Variants in VWA8 observed in about 807,000 individuals in gnomAD.
VWA8 encodes the protein von Willebrand factor A domain-containing protein 8.
A neutral mutation model predicts 241.5 loss-of-function variants in VWA8; 221 were observed. The observed-to-expected ratio is 0.91, with a 90% CI of 0.82 to 1.02. The LOEUF is 1.02. VWA8 is among the 50% of genes least tolerant of loss of function. The pLI is 0.00. For synonymous variants in VWA8, 852 were observed against 827.1 expected (o/e 1.03, Z -0.52); for missense variants, 2,322 against 2,328.7 (o/e 1.00, Z 0.06).
At chr13:41,864,591 TTA>T (rs1182759477) in intron 12 of VWA8, 1 of 442,216 alleles carries the variant, frequency 2.3e-6, no homozygotes, top group East Asian at 7.2e-5. Flanking sequence ...AGGACAAAAA[TTA>T]TATGATTCCA....
chr13:41,719,517 A>G (rs1029315101), intron 26 of VWA8, 74 bp downstream of exon 26: 29 of 1,599,320 alleles, frequency 1.8e-5, no homozygotes, highest in Non-Finnish European at 2.4e-5. Context: ...ATAGCAACTC[A>G]GTTTTGTAGA....
At chr13:41,692,179 A>C (rs1228475397) in intron 30 of VWA8, among the ~76,000 whole-genome samples, 1 of 152,086 alleles carries the variant, frequency 6.6e-6, no homozygotes, top group Non-Finnish European at 1.5e-5. Context: ...AAACAACACC[A>C]AACATTGTTA....
intron 37 of VWA8, among the ~76,000 whole-genome samples, chr13:41,662,339 C>T (rs566691611): frequency 2.0e-5 from 3 of 152,234 alleles, no homozygotes; most frequent in African/African-American, 7.2e-5. Flanking sequence ...ATTCAGCATA[C>T]ACATCCTGCA....
chr13:41,729,674 TAA>T lies in VWA8; in HGVS notation c.2504_2505del (p.Val835GlufsTer13). On this transcript the variant is annotated frameshift_variant and splice_region_variant, in exon 23 of 45. Coordinates refer to ENST00000379310, the MANE Select transcript of VWA8 (RefSeq NM_015058.2). LOFTEE classifies it high-confidence loss of function. ...GLIVYEDSPL[V>X]KAVKLGHILV... ...AGAATATGACCCAACTTTACTGCTT[TAA>T]CCTTTGACGACAGAAAATTTATCAT... is the stretch of plus-strand genomic sequence containing the variant. 2 of 1,605,716 alleles carry T rather than the reference TAA, an allele frequency of 1.2e-6. No homozygotes were observed. Among genetic ancestry groups the T allele is most frequent in the Non-Finnish European group, 1.7e-6 (2 of 1,177,608 alleles).
chr13:41,586,832 T>A (rs779572563), intron 42 of VWA8, among the ~76,000 whole-genome samples: 3 of 152,206 alleles, frequency 2.0e-5, no homozygotes, highest in Non-Finnish European at 2.9e-5. Flanking sequence ...GAACTTTTGA[T>A]AATAATTACA....
rs116711974 is a variant in VWA8, at chr13:41,588,566, A to G, written c.5113-896T>C. ...CAAGAACTCATCTCTACAAAAAAAT[A>G]CACAAATCAGCTAGGGTGGTGCTAT... On this transcript the variant is annotated intron_variant, in intron 41 of 44. Coordinates refer to ENST00000379310, the MANE Select transcript of VWA8 (RefSeq NM_015058.2). 5.0e-3 allele frequency among the ~76,000 whole-genome samples: 754 copies of G among 152,244 alleles called. 5 individuals are homozygous for G. The highest frequency in any genetic ancestry group is 0.017 in the African/African-American group (721 of 41,550).
intron 43 of VWA8, among the ~76,000 whole-genome samples, chr13:41,573,786 T>C (rs2044331802): frequency 6.6e-6 from 1 of 150,854 alleles, no homozygotes; most frequent in Admixed American, 6.6e-5. Context: ...CCCAGCTAAT[T>C]TTTTTTTGTA....
Position 41,954,299 on chromosome 13 carries a change from T to C in VWA8, c.164-4286A>G, listed in dbSNP as rs79231565. The stretch of plus-strand genomic sequence containing the variant: ...AGTTTCATACCTGCCAGTAGCCTAC[T>C]GGAGACTTTACCTAGATATTCCAGA... On this transcript the variant is annotated intron_variant, in intron 1 of 44. Coordinates refer to ENST00000379310, the MANE Select transcript of VWA8 (RefSeq NM_015058.2). Among the ~76,000 whole-genome samples, 167 of 152,284 alleles carry C rather than the reference T, an allele frequency of 1.1e-3. 1 individual carries two copies. The East Asian group carries it at 0.024, about 22-fold the overall frequency.
At chr13:41,594,963 T>A (rs1418150632) in intron 40 of VWA8, among the ~76,000 whole-genome samples, 1 of 152,214 alleles carries the variant, frequency 6.6e-6, no homozygotes, top group African/African-American at 2.4e-5. Context: ...GAGGACTGCA[T>A]GTCCCAGGCC....
chr13:41,758,457 GGAATATATGGAA>G (rs2045714949), intron 21 of VWA8, among the ~76,000 whole-genome samples: 5 of 90,576 alleles, frequency 5.5e-5, no homozygotes, highest in African/African-American at 1.7e-4. Flanking sequence ...CCATATATAT[GGAATATATGGAA>G]TATATATATG....
At chr13:41,790,628 A>G (rs892231361) in intron 17 of VWA8, among the ~76,000 whole-genome samples, 15 of 152,046 alleles carry the variant, frequency 9.9e-5, no homozygotes, top group Non-Finnish European at 2.1e-4. Context: ...CCAGAAGTAA[A>G]TAAATTAATG....
At chr13:41,669,886 A>T (rs1281921755) in intron 37 of VWA8, among the ~76,000 whole-genome samples, 3 of 152,162 alleles carry the variant, frequency 2.0e-5, no homozygotes, top group Non-Finnish European at 2.9e-5. Context: ...ACTTAATCAC[A>T]TGTTTATTTT....
intron 26 of VWA8, 70 bp downstream of exon 26, chr13:41,719,521 T>G: frequency 6.2e-7 from 1 of 1,603,162 alleles, no homozygotes; most frequent in Non-Finnish European, 8.5e-7. Context: ...CAACTCAGTT[T>G]TGTAGAATGG....
Position 41,907,586 on chromosome 13 carries a change from C to T in VWA8, c.483G>A (p.Gln161=), listed in dbSNP as rs925353374. The change falls in exon 4 of 45, where the codon CAG becomes CAA. Residue 161 remains glutamine, a splice_region_variant and synonymous_variant. Transcript: ENST00000379310. The part of the protein sequence containing the change: ...IRAGTAFYID[Q]CAVRAATEGR... ...TGGGCTAGAGTGTGACAGAACTTGC[C>T]TGATCAATGTAAAAGGCTGTGCCTG... The T allele has an allele frequency of 1.9e-6, 3 of 1,614,004 alleles. No individual in the cohort carries two copies. Among genetic ancestry groups the T allele is most frequent in the Non-Finnish European group, 2.5e-6 (3 of 1,179,896 alleles).
At chr13:41,627,574 C>A (rs2044700296) in intron 37 of VWA8, among the ~76,000 whole-genome samples, 1 of 152,194 alleles carries the variant, frequency 6.6e-6, no homozygotes, top group South Asian at 2.1e-4. Flanking sequence ...TTGCCATCCA[C>A]ACTACAACAA....
At chr13:41,695,991 T>A (rs1027272032) in intron 29 of VWA8, 3 of 152,218 alleles carry the variant, frequency 2.0e-5, no homozygotes, top group Admixed American at 6.5e-5. Flanking sequence ...GCAGGACTGT[T>A]AAAATAAATA....
rs576136431 is a variant in VWA8, at chr13:41,628,623, T to C, written c.4612-13539A>G. ...CATAAAAAAAATAAAATCATGTTTT[T>C]TGCAGCAACATGAATGCAGCTAGAG... On this transcript the variant is annotated intron_variant, in intron 37 of 44. Transcript: ENST00000379310. Among the ~76,000 whole-genome samples, 14 of 152,310 alleles carry C rather than the reference T, an allele frequency of 9.2e-5. No homozygotes were observed. The South Asian group carries it at 2.7e-3, about 29-fold the overall frequency.
intron 12 of VWA8, among the ~76,000 whole-genome samples, chr13:41,856,031 C>T (rs1031766605): frequency 3.9e-5 from 6 of 152,172 alleles, no homozygotes; most frequent in Non-Finnish European, 8.8e-5. Flanking sequence ...TTGTTCTGTT[C>T]TCATTCAAAA....
chr13:41,756,132 T>C (rs1240532058), intron 21 of VWA8, among the ~76,000 whole-genome samples: 1 of 151,776 alleles, frequency 6.6e-6, no homozygotes. Context: ...ATATCATTAC[T>C]AAGGACATTA....
Sources: allele counts gnomAD v4.1 joint callset (sites outside exome capture counted in the v4.1 genomes callset), GRCh38; gene constraint gnomAD v4.1.1; transcripts MANE v1.5; gene names NCBI Gene and HGNC (gene_info 2026-07-23, HGNC 2026-07-21).